Variants in LRIF1 observed in about 807,000 individuals in gnomAD.
LRIF1 encodes the protein ligand dependent nuclear receptor interacting factor 1, also known as ligand-dependent nuclear receptor-interacting factor 1.
A neutral mutation model predicts 52.7 loss-of-function variants in LRIF1; 32 were observed. The observed-to-expected ratio is 0.61, with a 90% confidence interval of 0.46 to 0.82. LRIF1 has a LOEUF of 0.82. Among genes scored for constraint, LRIF1 ranks in the 40% least tolerant of loss-of-function variants. The pLI, the probability that LRIF1 is intolerant of heterozygous loss-of-function variation, is 0.00. For missense variants in LRIF1, 887 were observed against 892.0 expected (o/e 0.99, Z 0.07); for synonymous variants, 323 against 317.4 (o/e 1.02, Z -0.19).
At chr1:110,910,035 C>T in the LRIF1 span, among the ~76,000 whole-genome samples, 2 of 152,066 alleles carry the variant, frequency 1.3e-5, no homozygotes, top group Admixed American at 6.5e-5. Context: ...TCATTAAGCA[C>T]GCTCTTAGAG....
At chr1:110,921,890 G>A in the LRIF1 span, among the ~76,000 whole-genome samples, 4 of 152,146 alleles carry the variant, frequency 2.6e-5, no homozygotes, top group African/African-American at 9.7e-5. Context: ...CTTGTGTTAT[G>A]AGGGTTTGTT....
chr1:110,923,664 C>T, the LRIF1 span, among the ~76,000 whole-genome samples: 1 of 152,028 alleles, frequency 6.6e-6, no homozygotes, highest in Non-Finnish European at 1.5e-5. Context: ...TAAACTAAAA[C>T]TCAGAGAAAA....
At chr1:110,892,803 T>C in the LRIF1 span, 1 of 351,242 alleles carries the variant, frequency 2.8e-6, no homozygotes, top group Non-Finnish European at 5.1e-6. Flanking sequence ...TTCCCCTTTA[T>C]AGCATTTTAT....
At chr1:110,899,144 A>G in the LRIF1 span, 24 of 1,613,826 alleles carry the variant, frequency 1.5e-5, no homozygotes, top group Admixed American at 3.3e-5. Flanking sequence ...TGTCCTTTGC[A>G]CTGACCCTGA....
the LRIF1 span, among the ~76,000 whole-genome samples, chr1:110,879,028 TG>T: frequency 6.6e-6 from 1 of 152,002 alleles, no homozygotes. Context: ...GATTTCTTTT[TG>T]TTTTTTTATT....
chr1:110,886,846 A>AATATATATATATATAT, the LRIF1 span, among the ~76,000 whole-genome samples: 7 of 101,012 alleles, frequency 6.9e-5, no homozygotes, highest in African/African-American at 2.2e-4. Flanking sequence ...CTCTGTCTCC[A>AATATATATATATATAT]ATATATATAT....
the LRIF1 span, among the ~76,000 whole-genome samples, chr1:110,902,495 T>TAAAAAAAAAAAAAAAAAAAAAAAAAAAA: frequency 5.5e-5 from 4 of 72,662 alleles, no homozygotes; most frequent in African/African-American, 1.4e-4. Flanking sequence ...AATCAATCAC[T>TAAAAAAAAAAAAAAAAAAAAAAAAAAAA]AAAAAAAAAA....
chr1:110,910,036 G>A, the LRIF1 span, among the ~76,000 whole-genome samples: 3 of 151,904 alleles, frequency 2.0e-5, no homozygotes, highest in Admixed American at 6.6e-5. Flanking sequence ...CATTAAGCAC[G>A]CTCTTAGAGA....
In LRIF1 at chr1:110,958,505, G is replaced by C. The variant is rs541821889; in HGVS notation, c.68+5116C>G. Among the ~76,000 whole-genome samples the C allele has an allele frequency of 3.5e-4, 54 of 152,174 alleles. 2 individuals are homozygous for C. The highest frequency in any genetic ancestry group is 1.3e-3 in the African/African-American group (54 of 41,522). On this transcript the variant is annotated intron_variant, in intron 1 of 3. Coordinates refer to ENST00000369763, the MANE Select transcript of LRIF1 (RefSeq NM_018372.4). ...ATAAGACTGAAACTCCTTAAGGTGA[G>C]AGGCTTTATAATTTATTTTGCAAAT...
the LRIF1 span, chr1:110,940,190 C>G: frequency 6.6e-6 from 1 of 152,068 alleles, no homozygotes; most frequent in Non-Finnish European, 1.5e-5. Context: ...ACACATTTCT[C>G]AAAAGAAGAC....
the LRIF1 span, among the ~76,000 whole-genome samples, chr1:110,883,124 T>C: frequency 2.0e-5 from 3 of 151,960 alleles, no homozygotes; most frequent in Non-Finnish European, 4.4e-5. Context: ...AACAGACTTA[T>C]TTTCCTCCTT....
At chr1:110,937,606 T>C in the LRIF1 span, 1 of 152,030 alleles carries the variant, frequency 6.6e-6, no homozygotes, top group Non-Finnish European at 1.5e-5. Context: ...TTTATAGCTA[T>C]AAGTGCCTAC....
chr1:110,893,709 G>T, the LRIF1 span, among the ~76,000 whole-genome samples: 1 of 152,246 alleles, frequency 6.6e-6, no homozygotes, highest in East Asian at 1.9e-4. Context: ...TAATGGCAAA[G>T]GATGGAAGAT....
At chr1:110,943,116 A>G (rs1570934776), downstream of LRIF1, among the ~76,000 whole-genome samples, 3 of 152,322 alleles carry the variant, frequency 2.0e-5, no homozygotes, top group South Asian at 6.2e-4. Flanking sequence ...ATTGCAGTGA[A>G]GACAAAATGA....
chr1:110,961,588 C>T (rs1658948606), intron 1 of LRIF1, among the ~76,000 whole-genome samples: 3 of 152,078 alleles, frequency 2.0e-5, no homozygotes, highest in Admixed American at 2.0e-4. Context: ...CAATATACAA[C>T]AATATACAAT....
the LRIF1 span, among the ~76,000 whole-genome samples, chr1:110,902,796 C>T: frequency 2.0e-5 from 3 of 152,136 alleles, no homozygotes; most frequent in Admixed American, 6.6e-5. Flanking sequence ...CTGTCTAACA[C>T]AAAAAACCAC....
the LRIF1 span, chr1:110,939,501 A>G: frequency 6.6e-6 from 1 of 152,138 alleles, no homozygotes. Flanking sequence ...AAAAACTTAT[A>G]TGGAACCACA....
the LRIF1 span, among the ~76,000 whole-genome samples, chr1:110,915,490 A>AAAATAAAT: frequency 0.43 from 60,727 of 141,644 alleles, 13,120 homozygotes; most frequent in East Asian, 0.71. Context: ...TCCGTCTCAA[A>AAAATAAAT]AAATAAATAA....
At chr1:110,916,374 G>A in the LRIF1 span, among the ~76,000 whole-genome samples, 7 of 151,998 alleles carry the variant, frequency 4.6e-5, no homozygotes, top group East Asian at 1.9e-4. Flanking sequence ...TTGTAGGGTC[G>A]AATAACACAT....
Sources: gnomAD v4.1 joint callset for allele counts (sites outside exome capture counted in the v4.1 genomes callset) on GRCh38, gnomAD v4.1.1 for gene constraint, MANE v1.5 for transcripts, NCBI Gene and HGNC (gene_info 2026-07-23, HGNC 2026-07-21) for gene names.